DPP10: variants seen among roughly 807,000 people sequenced by gnomAD.
DPP10 encodes inactive dipeptidyl peptidase 10.
In DPP10, 33 loss-of-function variants were observed where a neutral mutation model predicts 120.9. The ratio of observed to expected loss-of-function variants is 0.27; its 90% CI spans 0.21 to 0.37. DPP10 has a LOEUF of 0.37. Ranked by LOEUF, DPP10 falls within the 10% of genes least tolerant of loss-of-function variation. The pLI is 1.00. For missense variants in DPP10, 816 were observed against 942.8 expected (o/e 0.87, Z 1.76); for synonymous variants, 337 against 326.1 (o/e 1.03, Z -0.36).
chr2:114,751,554 C>A (rs953882068), intron 1 of DPP10, among the ~76,000 whole-genome samples: 7 of 152,150 alleles, frequency 4.6e-5, no homozygotes, highest in Admixed American at 3.3e-4. Context: ...GCTAGCGAAG[C>A]TACATGTAGT....
intron 3 of DPP10, among the ~76,000 whole-genome samples, chr2:115,473,680 G>A (rs1400137244): frequency 6.6e-6 from 1 of 152,158 alleles, no homozygotes; most frequent in Non-Finnish European, 1.5e-5. Context: ...GCTGTTTTAT[G>A]TAACACTCTA....
chr2:115,504,059 G>T (rs1213047564), intron 4 of DPP10, among the ~76,000 whole-genome samples: 1 of 151,988 alleles, frequency 6.6e-6, no homozygotes, highest in Non-Finnish European at 1.5e-5. Context: ...TGGCTTCCAG[G>T]TTCATTAGTT....
chr2:115,702,084 T>C (rs968108793), intron 7 of DPP10, among the ~76,000 whole-genome samples: 1 of 151,978 alleles, frequency 6.6e-6, no homozygotes, highest in African/African-American at 2.4e-5. Context: ...TAGTACACAA[T>C]AGGGACATGT....
chr2:114,844,939 C>A (rs186823834), intron 1 of DPP10, among the ~76,000 whole-genome samples: 2 of 152,182 alleles, frequency 1.3e-5, no homozygotes, highest in East Asian at 3.9e-4. Flanking sequence ...CAGTAGACAC[C>A]TTCCCTTCTA....
chr2:115,213,035 T>C (rs2056616694), intron 1 of DPP10, among the ~76,000 whole-genome samples: 1 of 152,174 alleles, frequency 6.6e-6, no homozygotes, highest in Non-Finnish European at 1.5e-5. Context: ...CACGCTGTTA[T>C]TCTTTACGTG....
chr2:114,678,060 C>T lies in DPP10; in HGVS notation c.60+235222C>T, dbSNP rs145710419. ...TTAGGTTATATTGATTAGGTTTTTG[C>T]TGCAGTCAGTAATCATTTTACTTTC... On this transcript the variant is annotated intron_variant, in intron 1 of 25. Coordinates refer to ENST00000410059, the MANE Select transcript of DPP10 (RefSeq NM_020868.6). Among the ~76,000 whole-genome samples, 1,478 of 152,158 alleles carry T rather than the reference C, an allele frequency of 9.7e-3. 18 individuals carry two copies. Among genetic ancestry groups the T allele is most frequent in the African/African-American group, 0.033 (1,370 of 41,518 alleles).
In DPP10 at chr2:115,836,134, ATATATATATT is replaced by A. The variant is rs1559221551; in HGVS notation, c.1951-21_1951-12del. The A allele has an allele frequency of 2.6e-6, 3 of 1,166,290 alleles. No individual in the cohort carries two copies. Among genetic ancestry groups the A allele is most frequent in the South Asian group, 1.7e-5 (1 of 58,836 alleles). 72.2% of individuals were successfully genotyped at this position (1,166,290 alleles called of 1,614,324 possible). A position where few individuals can be genotyped will look rare whatever the true frequency, so the allele number is the denominator to read the frequency against. On this transcript the variant is annotated splice_polypyrimidine_tract_variant and intron_variant, in intron 21 of 25. Coordinates refer to ENST00000410059, the MANE Select transcript of DPP10 (RefSeq NM_020868.6). ...GTGTGTGTGAGATATATATATATAT[ATATATATATT>A]TTTCCCCCCCAGGGTTATGGTGGCT...
intron 1 of DPP10, chr2:115,130,892 CAT>C (rs1455545681): frequency 6.6e-6 from 1 of 152,272 alleles, no homozygotes; most frequent in East Asian, 1.9e-4. Context: ...CTTCCTATCA[CAT>C]AGTTACCAAC....
At chr2:115,316,233 G>C (rs1467059387) in intron 2 of DPP10, among the ~76,000 whole-genome samples, 1 of 152,122 alleles carries the variant, frequency 6.6e-6, no homozygotes, top group African/African-American at 2.4e-5. Context: ...ACAAGTTGAA[G>C]TAAATTGACT....
chr2:115,279,598 G>A (rs909024777), intron 1 of DPP10, among the ~76,000 whole-genome samples: 5 of 146,116 alleles, frequency 3.4e-5, no homozygotes, highest in Non-Finnish European at 3.0e-5. Context: ...ATTTTGGGTA[G>A]CATTTTTCTT....
intron 1 of DPP10, among the ~76,000 whole-genome samples, chr2:114,698,371 C>G (rs1700189533): frequency 6.6e-6 from 1 of 152,002 alleles, no homozygotes; most frequent in Non-Finnish European, 1.5e-5. Flanking sequence ...TGACTGCTGC[C>G]CCATCTGCCA....
intron 5 of DPP10, among the ~76,000 whole-genome samples, chr2:115,629,914 T>C (rs1270769344): frequency 6.6e-6 from 1 of 152,192 alleles, no homozygotes; most frequent in Non-Finnish European, 1.5e-5. Context: ...AAGTTTAAAG[T>C]AGTTTTTTTC....
At chr2:115,592,885 G>C (rs1031459238) in intron 5 of DPP10, among the ~76,000 whole-genome samples, 1 of 152,186 alleles carries the variant, frequency 6.6e-6, no homozygotes, top group Non-Finnish European at 1.5e-5. Flanking sequence ...GGCCACTTCT[G>C]TTTGCTGGCA....
intron 1 of DPP10, among the ~76,000 whole-genome samples, chr2:114,509,358 T>C (rs972346381): frequency 2.6e-5 from 4 of 152,246 alleles, no homozygotes; most frequent in African/African-American, 9.6e-5. Context: ...CTATTAATCC[T>C]TTCTTACATC....
In DPP10 at chr2:114,449,141, T is replaced by C. The variant is rs563884886; in HGVS notation, c.60+6303T>C. Among the ~76,000 whole-genome samples the C allele has an allele frequency of 2.6e-5, 4 of 152,306 alleles. No individual in the cohort carries two copies. The East Asian group carries it at 7.7e-4, about 29-fold the overall frequency. ...CTAATTTTTTGTCCAGAAATTGTGC[T>C]GGAGAAATGTCTCCCTTCTTGCCAG... is the stretch of plus-strand genomic sequence containing the variant. On this transcript the variant is annotated intron_variant, in intron 1 of 25. Coordinates refer to ENST00000410059, the MANE Select transcript of DPP10 (RefSeq NM_020868.6).
chr2:115,037,918 T>A (rs1704341999), intron 1 of DPP10, among the ~76,000 whole-genome samples: 1 of 152,224 alleles, frequency 6.6e-6, no homozygotes, highest in Non-Finnish European at 1.5e-5. Flanking sequence ...GTGGAATGGT[T>A]GGTGTGTGCT....
chr2:115,060,338 A>G (rs1706303494), intron 1 of DPP10, among the ~76,000 whole-genome samples: 1 of 152,118 alleles, frequency 6.6e-6, no homozygotes, highest in African/African-American at 2.4e-5. Context: ...TATGCCTGTA[A>G]TTCTAGCAAT....
intron 1 of DPP10, among the ~76,000 whole-genome samples, chr2:114,980,830 T>C (rs79839335): frequency 2.8e-4 from 42 of 151,168 alleles, no homozygotes; most frequent in Admixed American, 6.6e-4. Flanking sequence ...ATATGCCTGA[T>C]TTTTTTTTAC....
rs1283861314 is a variant in DPP10 at position 115,791,232 on chromosome 2, T to C, written c.1630+53T>C. On this transcript the variant is annotated intron_variant, in intron 18 of 25. Transcript: ENST00000410059. The stretch of plus-strand genomic sequence containing the variant: ...CAAGAACAACTTTCTCTGCGTCTTA[T>C]AGTTTTACCTGCAAATGACTCTCCA... 395 of 1,605,208 alleles carry C rather than the reference T, an allele frequency of 2.5e-4. 1 individual carries two copies. Among genetic ancestry groups the C allele is most frequent in the Non-Finnish European group, 1.9e-5 (22 of 1,174,798 alleles).
Sources: allele counts gnomAD v4.1 joint callset (sites outside exome capture counted in the v4.1 genomes callset), GRCh38; gene constraint gnomAD v4.1.1; transcripts MANE v1.5; gene names NCBI Gene and HGNC (gene_info 2026-07-23, HGNC 2026-07-21).